PHF13: variants seen among roughly 807,000 people sequenced by gnomAD.
The protein encoded by PHF13 is PHD finger protein 13.
A neutral mutation model predicts 25.8 loss-of-function variants in PHF13; 1 was observed. The ratio of observed to expected loss-of-function variants is 0.04; its 90% confidence interval spans 0.01 to 0.18. The LOEUF is 0.18. Ranked by LOEUF, PHF13 falls within the 10% of genes least tolerant of loss-of-function variation. PHF13 has a pLI of 1.00. For synonymous variants in PHF13, 195 were observed against 162.4 expected, an observed-to-expected ratio of 1.20 and a Z score of -1.53; for missense variants, 306 against 403.2, an observed-to-expected ratio of 0.76 and a Z score of 2.06.
At chr1:6,620,833 C>T (rs1641327293) in intron 3 of PHF13, among the ~76,000 whole-genome samples, 2 of 151,150 alleles carry the variant, frequency 1.3e-5, no homozygotes, top group Non-Finnish European at 2.9e-5. Flanking sequence ...GCCTGACCAA[C>T]ATGGTGAAAC....
chr1:6,614,745 C>T (rs1375045649), intron 1 of PHF13: 1 of 145,286 alleles, frequency 6.9e-6, no homozygotes, highest in African/African-American at 2.5e-5. Flanking sequence ...TCTCTTCGGG[C>T]CCCCGCCCCC....
chr1:6,619,501 G>A (rs1263733634), intron 2 of PHF13, among the ~76,000 whole-genome samples: 1 of 152,088 alleles, frequency 6.6e-6, no homozygotes, highest in Non-Finnish European at 1.5e-5. Context: ...ACCACGCCCA[G>A]CTAATTTTTG....
rs138356825 is a variant in PHF13, at chr1:6,620,517, G to T, written c.676+180G>T. 8.8e-4 allele frequency among the ~76,000 whole-genome samples: 134 copies of T among 152,350 alleles called. 1 individual carries two copies. The East Asian group carries it at 0.025, about 28-fold the overall frequency. The stretch of plus-strand genomic sequence containing the variant: ...TGGATATCGAGATGTTTAGGAAGGG[G>T]TTGATTGCCACTAGAGACAGCTGAG... On this transcript the variant is annotated intron_variant, in intron 3 of 3. Transcript: ENST00000377648.
chr1:6,618,804 A>C (rs9661802), intron 2 of PHF13, among the ~76,000 whole-genome samples: 52,113 of 151,766 alleles, frequency 0.34, 9,235 homozygotes, highest in South Asian at 0.47. Context: ...GCCATCATGC[A>C]CAGCTAATTT....
Position 6,621,293 on chromosome 1 carries a change from T to G in PHF13, c.677-118T>G. ...GCCTTTTCAGAGAGAAGTGTCAGCT[T>G]CGAGTGGCAGTTGGAAGTGTTCTCG... On this transcript the variant is annotated intron_variant, in intron 3 of 3. Transcript: ENST00000377648. This position sits in a 1 kb window ranked among gnomAD's most constrained non-coding sequence, Gnocchi z 4.8. 9.5e-7 allele frequency: 1 copy of G among 1,055,292 alleles called. No individual in the cohort carries two copies. 65.4% of individuals were successfully genotyped at this position (1,055,292 alleles called of 1,614,324 possible).
chr1:6,623,243 T>C lies in PHF13; in HGVS notation c.*1606T>C, dbSNP rs768379543. ...TTTGTCCTAGTATCTTTCACACTTGTCCAACCGTCTTATTTTTTTAAAAGT... is the reference window on the plus strand; with the variant it reads ...TTTGTCCTAGTATCTTTCACACTTGCCCAACCGTCTTATTTTTTTAAAAGT... On this transcript the variant is annotated 3_prime_UTR_variant, in exon 4 of 4. Coordinates refer to ENST00000377648, the MANE Select transcript of PHF13 (RefSeq NM_153812.3). The C allele has an allele frequency of 1.3e-5, 2 of 152,350 alleles. No individual in the cohort carries two copies. The highest frequency in any genetic ancestry group is 2.4e-5 in the African/African-American group (1 of 41,450). 9.4% of individuals were successfully genotyped at this position (152,350 alleles called of 1,614,324 possible).
Position 6,614,033 on chromosome 1 carries a change from A to T in PHF13, c.-34A>T. 6.8e-7 allele frequency: 1 copy of T among 1,466,916 alleles called. No homozygotes were observed. Among genetic ancestry groups the T allele is most frequent in the Admixed American group, 1.9e-5 (1 of 51,398 alleles). The allele number at this position is 1,466,916 out of a possible 1,614,324, so 90.9% of individuals were successfully genotyped here. A position where few individuals can be genotyped will look rare whatever the true frequency, so the allele number is the denominator to read the frequency against. The stretch of plus-strand genomic sequence containing the variant: ...CCCGCTCCAGCATCCCAGCTCCTGC[A>T]CTCTCGCAGCCGCCGCCGCCCCCCG... On this transcript the variant is annotated 5_prime_UTR_variant, in exon 1 of 4. Transcript: ENST00000377648.
chr1:6,619,922 C>T lies in PHF13; in HGVS notation c.261C>T (p.Asp87=), dbSNP rs1210661663. Residue 87 remains aspartate, a synonymous_variant, in exon 3 of 4, where the codon GAC becomes GAT. Transcript: ENST00000377648. The stretch of plus-strand genomic sequence containing the variant: ...CCTCAGTGCCCTTGCCAGTCTCTGA[C>T]CGCTGCTTTAGCCACCTGCAGCCTA... ...IASSVPLPVS[D]RCFSHLQPTL... The T allele has an allele frequency of 6.2e-7, 1 of 1,613,972 alleles. No individual in the cohort carries two copies.
rs1276777428 is a variant in PHF13, at chr1:6,621,037, A to AG, written c.677-374_677-373insG. ...ACAGCAAAACTCCGTCTCAAGAAAA[A>AG]AAAAAAAAACAATAGTCGAGTGTGG... On this transcript the variant is annotated intron_variant, in intron 3 of 3. Coordinates refer to ENST00000377648, the MANE Select transcript of PHF13 (RefSeq NM_153812.3). This position sits in a 1 kb window ranked among gnomAD's most constrained non-coding sequence, Gnocchi z 4.8. 1.3e-5 allele frequency among the ~76,000 whole-genome samples: 2 copies of AG among 150,338 alleles called. No homozygotes were observed. The highest frequency in any genetic ancestry group is 3.0e-5 in the Non-Finnish European group (2 of 67,558).
chr1:6,617,221 G>C (rs1641275312), intron 2 of PHF13, among the ~76,000 whole-genome samples: 3 of 151,896 alleles, frequency 2.0e-5, no homozygotes, highest in African/African-American at 7.3e-5. Flanking sequence ...TCAGTAGTTG[G>C]GATGACAGGC....
chr1:6,614,727 C>G (rs1641230240), intron 1 of PHF13: 1 of 149,548 alleles, frequency 6.7e-6, no homozygotes, highest in Admixed American at 6.6e-5. Context: ...CCCCGGCGCG[C>G]TGGCCTCTCT....
intron 2 of PHF13, among the ~76,000 whole-genome samples, chr1:6,618,024 A>G (rs1341615341): frequency 6.6e-6 from 1 of 152,206 alleles, no homozygotes; most frequent in Non-Finnish European, 1.5e-5. Flanking sequence ...AACTTGATGT[A>G]GATGAAGGAG....
rs1055215805 is a variant in PHF13 at position 6,621,920 on chromosome 1, C to G, written c.*283C>G. 1 of 500,230 alleles carries G rather than the reference C, an allele frequency of 2.0e-6. No homozygotes were observed. Among genetic ancestry groups the G allele is most frequent in the African/African-American group, 1.9e-5 (1 of 51,714 alleles). 31.0% of individuals were successfully genotyped at this position (500,230 alleles called of 1,614,324 possible). On this transcript the variant is annotated 3_prime_UTR_variant, in exon 4 of 4. Coordinates refer to ENST00000377648, the MANE Select transcript of PHF13 (RefSeq NM_153812.3). This position sits in a 1 kb window ranked among gnomAD's most constrained non-coding sequence, Gnocchi z 4.8. ...GTTTGGCTCATTTGAAAATGAGGGT[C>G]CGTGGTAGCTGTGCGTTTTGCTATC...
At position 6,620,290 on chromosome 1, in the gene PHF13, G is replaced by A. The variant is rs1641319631; in HGVS notation, c.629G>A (p.Arg210Gln). Residue 210 changes from arginine to glutamine, a missense_variant, in exon 3 of 4, where the codon CGA becomes CAA. Arg to Gln is a conservative substitution (Grantham distance 43). Around this residue, in one of 5 missense-constraint regions of PHF13, gnomAD observed 13 missense variants for 67.7 expected, o/e 0.19. Coordinates refer to ENST00000377648, the MANE Select transcript of PHF13 (RefSeq NM_153812.3). ...CGGCAGGGAAAGCAGGTGGTGTTCC[G>A]AGATGAGGACAGCACTGGCAATGAT... is the stretch of plus-strand genomic sequence containing the variant. ...IVRQGKQVVFRDEDSTGNDED... is the reference protein window; with the variant it reads ...IVRQGKQVVFQDEDSTGNDED... The A allele has an allele frequency of 6.2e-7, 1 of 1,613,556 alleles. No individual in the cohort carries two copies. Among genetic ancestry groups the A allele is most frequent in the Admixed American group, 1.7e-5 (1 of 59,960 alleles).
chr1:6,621,303 G>T lies in PHF13; in HGVS notation c.677-108G>T. ...AGAGAAGTGTCAGCTTCGAGTGGCAGTTGGAAGTGTTCTCGTCAGTAGAGT... is the reference window on the plus strand; with the variant it reads ...AGAGAAGTGTCAGCTTCGAGTGGCATTTGGAAGTGTTCTCGTCAGTAGAGT... On this transcript the variant is annotated intron_variant, in intron 3 of 3. Coordinates refer to ENST00000377648, the MANE Select transcript of PHF13 (RefSeq NM_153812.3). This position sits in a 1 kb window ranked among gnomAD's most constrained non-coding sequence, Gnocchi z 4.8. The T allele has an allele frequency of 8.6e-7, 1 of 1,165,982 alleles. No individual in the cohort carries two copies. The highest frequency in any genetic ancestry group is 1.2e-6 in the Non-Finnish European group (1 of 803,380). The allele number at this position is 1,165,982 out of a possible 1,614,324, so 72.2% of individuals were successfully genotyped here.
At chr1:6,617,704 A>G (rs1256665061) in intron 2 of PHF13, among the ~76,000 whole-genome samples, 1 of 152,148 alleles carries the variant, frequency 6.6e-6, no homozygotes, top group African/African-American at 2.4e-5. Flanking sequence ...CTGGGATTAC[A>G]AGCGTTGAGC....
chr1:6,621,044 A>AC lies in PHF13; in HGVS notation c.677-367_677-366insC, dbSNP rs1490714693. On this transcript the variant is annotated intron_variant, in intron 3 of 3. Coordinates refer to ENST00000377648, the MANE Select transcript of PHF13 (RefSeq NM_153812.3). This position sits in a 1 kb window ranked among gnomAD's most constrained non-coding sequence, Gnocchi z 4.8. Reference sequence around the variant, plus strand: ...AACTCCGTCTCAAGAAAAAAAAAAAAAACAATAGTCGAGTGTGGTGGTGTG... The same window carrying AC: ...AACTCCGTCTCAAGAAAAAAAAAAAACAACAATAGTCGAGTGTGGTGGTGTG... Among the ~76,000 whole-genome samples, 1 of 150,394 alleles carries AC rather than the reference A, an allele frequency of 6.6e-6. No individual in the cohort carries two copies. Among genetic ancestry groups the AC allele is most frequent in the Non-Finnish European group, 1.5e-5 (1 of 67,524 alleles).
chr1:6,617,172 C>G (rs764306970), intron 2 of PHF13, among the ~76,000 whole-genome samples: 2 of 147,768 alleles, frequency 1.4e-5, no homozygotes, highest in African/African-American at 5.0e-5. Flanking sequence ...TCGTAAAACT[C>G]CACCCCCGGG....
At chr1:6,619,755 C>G (rs1158986893) in intron 2 of PHF13, 48 bp from the exon 3 acceptor site, 1 of 1,546,482 alleles carries the variant, frequency 6.5e-7, no homozygotes. Flanking sequence ...CTGCTCTGGG[C>G]TGGATCTTGT....
Sources: gnomAD v4.1 joint callset for allele counts (sites outside exome capture counted in the v4.1 genomes callset) on GRCh38, gnomAD v4.1.1 for gene constraint, gnomAD v4.1.1 regional missense constraint, Gnocchi (gnomAD v3.1) non-coding constraint, MANE v1.5 for transcripts, NCBI Gene and HGNC (gene_info 2026-07-23, HGNC 2026-07-21) for gene names.